The following DKK4 variants were observed in gnomAD, a reference collection of about 807,000 sequenced individuals.
DKK4 encodes the protein dickkopf-related protein 4.
Under a neutral mutation model 14.5 loss-of-function variants are expected in DKK4, and 15 were observed. The observed-to-expected ratio is 1.03, with a 90% confidence interval of 0.69 to 1.59. DKK4 has a LOEUF of 1.59. Ranked by LOEUF, DKK4 falls within the 40% of genes most tolerant of loss-of-function variation. DKK4 has a pLI of 0.00. For synonymous variants in DKK4, 89 were observed against 105.2 expected (o/e 0.85, Z 0.94); for missense variants, 272 against 280.3 (o/e 0.97, Z 0.21).
Position 42,374,290 on chromosome 8 carries a change from CA to C in DKK4, c.484del (p.Trp162GlyfsTer45), listed in dbSNP as rs1824507490. 3.7e-6 allele frequency: 6 copies of C among 1,611,556 alleles called. No individual in the cohort carries two copies. Among genetic ancestry groups the C allele is most frequent in the African/African-American group, 1.3e-5 (1 of 74,542 alleles). On this transcript the variant is annotated frameshift_variant, in exon 4 of 4. Coordinates refer to ENST00000220812, the MANE Select transcript of DKK4 (RefSeq NM_014420.3). LOFTEE classifies it low-confidence loss of function (END_TRUNC). ...GPGLCCARHF[W>X]TKICKPVLLE... is the part of the protein sequence containing the mutation. ...AAGGACTGGCTTACAAATTTTCGTCCAAAAATGACGAGCACAGCAAAGTCCA... is the reference window on the plus strand; with the variant it reads ...AAGGACTGGCTTACAAATTTTCGTCCAAAATGACGAGCACAGCAAAGTCCA...
At position 42,374,885 on chromosome 8, in the gene DKK4, G is replaced by C; in HGVS notation, c.291C>G (p.Thr97=). 6.2e-7 allele frequency: 1 copy of C among 1,614,034 alleles called. No homozygotes were observed. Among genetic ancestry groups the C allele is most frequent in the Non-Finnish European group, 8.5e-7 (1 of 1,180,016 alleles). The change falls in exon 3 of 4, where the codon ACC becomes ACG. Residue 97 remains threonine (T), a synonymous_variant. Transcript: ENST00000220812. ...NDVCTTMEDA[T]PILERQLDEQ... is the part of the protein sequence containing the mutation. Reference sequence around the variant, plus strand: ...CATCAAGCTGCCTTTCTAATATTGGGGTTGCATCTTCCATCGTAGTACAAA... The same window carrying C: ...CATCAAGCTGCCTTTCTAATATTGGCGTTGCATCTTCCATCGTAGTACAAA...
chr8:42,385,170 T>C, the DKK4 span, among the ~76,000 whole-genome samples: 159 of 152,280 alleles, frequency 1.0e-3, 3 homozygotes, highest in Non-Finnish European at 1.4e-3. Flanking sequence ...GGCAGGAGGA[T>C]TGCTTGAGCC....
At chr8:42,389,653 C>T in the DKK4 span, among the ~76,000 whole-genome samples, 1 of 152,116 alleles carries the variant, frequency 6.6e-6, no homozygotes, top group African/African-American at 2.4e-5. Context: ...CTTTTTGTCT[C>T]TTTTTATTTC....
At chr8:42,389,561 C>A in the DKK4 span, among the ~76,000 whole-genome samples, 1 of 152,194 alleles carries the variant, frequency 6.6e-6, no homozygotes, top group Non-Finnish European at 1.5e-5. Flanking sequence ...TTTCACACAG[C>A]GGTCAAATCT....
At chr8:42,383,482 C>T in the DKK4 span, among the ~76,000 whole-genome samples, 1 of 152,248 alleles carries the variant, frequency 6.6e-6, no homozygotes, top group Non-Finnish European at 1.5e-5. Context: ...GCACGTGGCC[C>T]ACGCCTTTGG....
chr8:42,387,433 A>T, the DKK4 span, among the ~76,000 whole-genome samples: 1 of 138,418 alleles, frequency 7.2e-6, no homozygotes, highest in Non-Finnish European at 1.5e-5. Context: ...TCTCTGCTCA[A>T]TGCAATCACC....
upstream of DKK4, among the ~76,000 whole-genome samples, chr8:42,378,329 T>C (rs1824599865): frequency 6.6e-6 from 1 of 152,208 alleles, no homozygotes. Context: ...CTAACATCAA[T>C]TCATTGACAT....
chr8:42,374,807 G>C lies in DKK4; in HGVS notation c.369C>G (p.Asn123Lys). Reference sequence around the variant, plus strand: ...TAATACTTGGCTTCCTTTTGGGTTGGTTTTCCTGGACTGGGTGCCCAGTTG... The same window carrying C: ...TAATACTTGGCTTCCTTTTGGGTTGCTTTTCCTGGACTGGGTGCCCAGTTG... ...EGTTGHPVQE[N>K]QPKRKPSIKK... Residue 123 changes from asparagine (N) to lysine (K), a missense_variant, in exon 3 of 4, where the codon AAC becomes AAG. Transcript: ENST00000220812. The C allele has an allele frequency of 1.9e-6, 3 of 1,614,182 alleles. No homozygotes were observed. The highest frequency in any genetic ancestry group is 2.5e-6 in the Non-Finnish European group (3 of 1,180,040).
At chr8:42,380,563 TGAAAG>T (rs1370315978), upstream of DKK4, among the ~76,000 whole-genome samples, 2 of 71,726 alleles carry the variant, frequency 2.8e-5, no homozygotes, top group Non-Finnish European at 2.9e-5. Context: ...GAAGAAAAAA[TGAAAG>T]GAAGACAAAC....
At chr8:42,381,971 T>G (rs1419500703), upstream of DKK4, among the ~76,000 whole-genome samples, 2 of 152,188 alleles carry the variant, frequency 1.3e-5, no homozygotes, top group African/African-American at 4.8e-5. Context: ...CACTCCAGCC[T>G]GGGCGACAGA....
upstream of DKK4, among the ~76,000 whole-genome samples, chr8:42,380,874 G>T (rs1398588507): frequency 7.0e-6 from 1 of 141,890 alleles, no homozygotes; most frequent in Non-Finnish European, 1.5e-5. Flanking sequence ...GAGAAAGGAA[G>T]GAGAAAGAAA....
the DKK4 span, among the ~76,000 whole-genome samples, chr8:42,386,667 T>A: frequency 6.6e-6 from 1 of 152,212 alleles, no homozygotes; most frequent in Non-Finnish European, 1.5e-5. Flanking sequence ...TTTTTATTTT[T>A]TATAGAGATG....
chr8:42,388,150 T>C, the DKK4 span, among the ~76,000 whole-genome samples: 2,734 of 152,318 alleles, frequency 0.018, 61 homozygotes, highest in African/African-American at 0.061. Context: ...TAGTCTGAAG[T>C]TGTGGCTCTA....
chr8:42,374,781 T>G lies in DKK4; in HGVS notation c.395A>C (p.Lys132Thr), dbSNP rs758133490. 1.9e-6 allele frequency: 3 copies of G among 1,614,260 alleles called. No individual in the cohort carries two copies. The highest frequency in any genetic ancestry group is 2.2e-5 in the South Asian group (2 of 91,084). ...ENQPKRKPSI[K>T]KSQGRKGQEG... ...CTTACCCTTCCTGCCTTGTGATTTC[T>G]TAATACTTGGCTTCCTTTTGGGTTG... The change falls in exon 3 of 4, where the codon AAG becomes ACG. Residue 132 changes from lysine to threonine, a missense_variant. By Grantham distance (78) the Lys-to-Thr change is moderately conservative. Transcript: ENST00000220812.
At chr8:42,374,398 G>A in intron 3 of DKK4, 39 bp from the exon 4 acceptor site, 2 of 1,608,168 alleles carry the variant, frequency 1.2e-6, no homozygotes, top group Non-Finnish European at 1.7e-6. Context: ...GATAAATAAG[G>A]AAAGTGGCCT....
chr8:42,379,756 G>C (rs1585937233), upstream of DKK4, among the ~76,000 whole-genome samples: 1 of 152,102 alleles, frequency 6.6e-6, no homozygotes, highest in East Asian at 1.9e-4. Flanking sequence ...TGTGCAAGAG[G>C]GAGGAGGTGC....
chr8:42,375,331 A>G (rs1824536003), intron 2 of DKK4, among the ~76,000 whole-genome samples: 1 of 152,160 alleles, frequency 6.6e-6, no homozygotes, highest in African/African-American at 2.4e-5. Flanking sequence ...ACCTGAGGTC[A>G]GAAGTTCGAG....
intron 2 of DKK4, 61 bp from the exon 3 acceptor site, chr8:42,374,974 CTAAT>C (rs1824530815): frequency 1.3e-6 from 2 of 1,554,852 alleles, no homozygotes; most frequent in Admixed American, 1.7e-5. Context: ...CACAGACACA[CTAAT>C]TATCCTACTG....
chr8:42,389,016 C>G, the DKK4 span, among the ~76,000 whole-genome samples: 4 of 152,218 alleles, frequency 2.6e-5, no homozygotes, highest in African/African-American at 9.7e-5. Flanking sequence ...AATCACAGCT[C>G]ACAGCAGCCT....
Sources: gnomAD v4.1 joint callset for allele counts (sites outside exome capture counted in the v4.1 genomes callset) on GRCh38, gnomAD v4.1.1 for gene constraint, MANE v1.5 for transcripts, NCBI Gene and HGNC (gene_info 2026-07-23, HGNC 2026-07-21) for gene names.